The following INSL6 variants were observed in gnomAD, a reference collection of about 807,000 sequenced individuals.
The protein encoded by INSL6 is insulin-like peptide INSL6.
In INSL6, 16 loss-of-function variants were observed where a neutral mutation model predicts 9.4. That is an observed-to-expected ratio of 1.70 (90% CI 1.15 to 2.59). The LOEUF (loss-of-function observed/expected upper bound fraction) is 2.59. Among genes scored for constraint, INSL6 ranks in the 30% most tolerant of loss-of-function variants. The pLI is 0.00. For missense variants in INSL6, 391 were observed against 257.3 expected, an observed-to-expected ratio of 1.52 and a Z score of -3.56; for synonymous variants, 154 against 96.9, an observed-to-expected ratio of 1.59 and a Z score of -3.46.
At chr9:5,078,159 A>C in the INSL6 span, 2 of 574,420 alleles carry the variant, frequency 3.5e-6, no homozygotes, top group Non-Finnish European at 6.0e-6. Flanking sequence ...AGGAGTCATA[A>C]ATTTCCTTTT....
the INSL6 span, chr9:5,111,733 C>T: frequency 2.3e-6 from 1 of 431,866 alleles, no homozygotes; most frequent in South Asian, 1.7e-5. Context: ...AGCGCGTGGG[C>T]TACCGGCTGC....
intron 2 of INSL6, among the ~76,000 whole-genome samples, chr9:5,157,006 G>C (rs1288878169): frequency 6.6e-6 from 1 of 152,112 alleles, no homozygotes; most frequent in Admixed American, 6.6e-5. Context: ...GACAGAACAA[G>C]ACTGTTTCAA....
At chr9:5,026,011 CT>C in the INSL6 span, among the ~76,000 whole-genome samples, 1 of 152,216 alleles carries the variant, frequency 6.6e-6, no homozygotes, top group Non-Finnish European at 1.5e-5. Context: ...ATCTGTGCCT[CT>C]TTTTTTCTTA....
intron 3 of INSL6, chr9:5,131,982 T>A (rs1824301423): frequency 1.3e-5 from 2 of 152,172 alleles, no homozygotes; most frequent in East Asian, 3.8e-4. Flanking sequence ...GTGAATCTCA[T>A]GGTACCACTT....
At chr9:5,036,486 G>A in the INSL6 span, among the ~76,000 whole-genome samples, 8 of 152,266 alleles carry the variant, frequency 5.3e-5, no homozygotes, top group African/African-American at 1.7e-4. Flanking sequence ...ATACTACAAG[G>A]CTACAGTAAC....
the INSL6 span, chr9:5,055,657 T>C: frequency 6.5e-7 from 1 of 1,540,996 alleles, no homozygotes; most frequent in African/African-American, 1.4e-5. Context: ...TTTTACATGC[T>C]TTTAATTATA....
downstream of INSL6, among the ~76,000 whole-genome samples, chr9:5,120,369 A>C (rs1372473593): frequency 6.6e-6 from 1 of 152,212 alleles, no homozygotes; most frequent in Non-Finnish European, 1.5e-5. Flanking sequence ...CAAACACTAA[A>C]TCTGAAGTCT....
At chr9:5,099,272 A>G in the INSL6 span, 1 of 152,182 alleles carries the variant, frequency 6.6e-6, no homozygotes, top group African/African-American at 2.4e-5. Flanking sequence ...TTTTATACCT[A>G]TTGTCCTAGA....
At chr9:5,102,573 C>T in the INSL6 span, among the ~76,000 whole-genome samples, 2 of 151,970 alleles carry the variant, frequency 1.3e-5, no homozygotes, top group Admixed American at 6.6e-5. Flanking sequence ...GAAGAGCAAC[C>T]CCAAGACACG....
the INSL6 span, chr9:5,041,203 C>T: frequency 4.8e-6 from 7 of 1,454,882 alleles, no homozygotes; most frequent in Non-Finnish European, 6.7e-6. Flanking sequence ...ACGTGAAGCC[C>T]GAGAACTTCC....
At chr9:5,140,619 C>T (rs561389000) in intron 2 of INSL6, among the ~76,000 whole-genome samples, 7 of 152,206 alleles carry the variant, frequency 4.6e-5, no homozygotes, top group African/African-American at 1.7e-4. Context: ...CCAACTTTCT[C>T]CATTTCCTAC....
the INSL6 span, among the ~76,000 whole-genome samples, chr9:4,999,171 G>A: frequency 1.3e-5 from 2 of 152,254 alleles, no homozygotes; most frequent in Admixed American, 6.5e-5. Flanking sequence ...TACTTCTGAC[G>A]CTGGCCCAAG....
At chr9:5,040,959 TACAA>T in the INSL6 span, 3 of 535,444 alleles carry the variant, frequency 5.6e-6, no homozygotes, top group Non-Finnish European at 7.0e-6. Context: ...AGAATCTCTA[TACAA>T]ACAAATATGT....
At chr9:5,180,349 A>C (rs1438765786) in intron 1 of INSL6, among the ~76,000 whole-genome samples, 1 of 152,204 alleles carries the variant, frequency 6.6e-6, no homozygotes, top group Non-Finnish European at 1.5e-5. Context: ...AGCAATTTTT[A>C]GGGAACAAGG....
At chr9:5,057,090 T>C in the INSL6 span, among the ~76,000 whole-genome samples, 8 of 152,198 alleles carry the variant, frequency 5.3e-5, no homozygotes, top group Non-Finnish European at 8.8e-5. Flanking sequence ...TAGGGATACA[T>C]TGTATTTCTC....
At chr9:5,002,237 A>C in the INSL6 span, among the ~76,000 whole-genome samples, 4 of 152,020 alleles carry the variant, frequency 2.6e-5, no homozygotes, top group South Asian at 8.3e-4. Context: ...AAGCTTACAT[A>C]ATTAATTTCA....
chr9:5,181,024 A>T (rs1237408894), intron 1 of INSL6, among the ~76,000 whole-genome samples: 1 of 152,190 alleles, frequency 6.6e-6, no homozygotes, highest in Non-Finnish European at 1.5e-5. Context: ...CCGGCGGCCC[A>T]GCTGTAAAAT....
At chr9:5,143,013 T>G (rs529883838) in intron 2 of INSL6, among the ~76,000 whole-genome samples, 17 of 152,354 alleles carry the variant, frequency 1.1e-4, no homozygotes, top group Non-Finnish European at 2.1e-4. Context: ...CTGATATGCT[T>G]GAACCAACCT....
the INSL6 span, among the ~76,000 whole-genome samples, chr9:5,004,279 A>T: frequency 6.6e-6 from 1 of 152,082 alleles, no homozygotes; most frequent in African/African-American, 2.4e-5. Context: ...AACGTCTCCC[A>T]TTCCTCCTAA....
Sources: gnomAD v4.1 joint callset for allele counts (sites outside exome capture counted in the v4.1 genomes callset) on GRCh38, gnomAD v4.1.1 for gene constraint, MANE v1.5 for transcripts, NCBI Gene and HGNC (gene_info 2026-07-23, HGNC 2026-07-21) for gene names.